PALS2: variants seen among roughly 807,000 people sequenced by gnomAD.
The protein encoded by PALS2 is protein associated with LIN7 2, MAGUK p55 family member.
Under a neutral mutation model 61.6 loss-of-function variants are expected in PALS2, and 27 were observed. The observed-to-expected ratio is 0.44, with a 90% CI of 0.32 to 0.60. The LOEUF is 0.60. Among genes scored for constraint, PALS2 ranks in the 20% least tolerant of loss-of-function variants. PALS2 has a pLI of 0.05. For missense variants in PALS2, 554 were observed against 639.4 expected (o/e 0.87, Z 1.44); for synonymous variants, 236 against 218.6 (o/e 1.08, Z -0.70).
intron 2 of PALS2, among the ~76,000 whole-genome samples, chr7:24,633,012 ACT>A (rs1347991605): frequency 3.3e-5 from 5 of 152,262 alleles, no homozygotes; most frequent in South Asian, 4.1e-4. Flanking sequence ...ATAAAATAAC[ACT>A]GTTTCCTGTC....
chr7:24,666,939 A>C (rs1787047787), intron 8 of PALS2: 1 of 152,188 alleles, frequency 6.6e-6, no homozygotes, highest in Non-Finnish European at 1.5e-5. Context: ...AGGAGTTGGC[A>C]ATTTTAAAAG....
At chr7:24,665,491 A>G in intron 6 of PALS2, 97 bp from the exon 7 acceptor site, 1 of 1,044,832 alleles carries the variant, frequency 9.6e-7, no homozygotes, top group Non-Finnish European at 1.4e-6. Context: ...TTAAGAGCAA[A>G]TGTGACTTTT....
At chr7:24,633,185 T>G (rs934963394) in intron 2 of PALS2, among the ~76,000 whole-genome samples, 5 of 152,122 alleles carry the variant, frequency 3.3e-5, no homozygotes, top group African/African-American at 9.7e-5. Context: ...TCAACCCAAG[T>G]TTTGCACTTA....
chr7:24,597,816 C>G (rs1418459520), intron 1 of PALS2, among the ~76,000 whole-genome samples: 1 of 152,034 alleles, frequency 6.6e-6, no homozygotes, highest in Non-Finnish European at 1.5e-5. Flanking sequence ...CCTTTTTCTT[C>G]TGACAAAGTA....
intron 8 of PALS2, among the ~76,000 whole-genome samples, chr7:24,668,218 G>A (rs1345888123): frequency 2.0e-5 from 3 of 152,000 alleles, no homozygotes; most frequent in African/African-American, 4.8e-5. Flanking sequence ...ATTTACTCGG[G>A]AGGCTTCATT....
At chr7:24,608,113 A>G (rs1373663797) in intron 1 of PALS2, among the ~76,000 whole-genome samples, 3 of 152,122 alleles carry the variant, frequency 2.0e-5, no homozygotes, top group Admixed American at 6.5e-5. Context: ...TTTAAATGTT[A>G]TATGTAAAGG....
chr7:24,582,883 CTTT>C (rs757869072), intron 1 of PALS2, among the ~76,000 whole-genome samples: 6 of 57,474 alleles, frequency 1.0e-4, no homozygotes, highest in Middle Eastern at 0.015. Context: ...GATAGTCATG[CTTT>C]TTTTTTTTTT....
chr7:24,680,409 G>T lies in PALS2; in HGVS notation c.1335G>T (p.Arg445Ser). The T allele has an allele frequency of 6.2e-7, 1 of 1,612,818 alleles. No individual in the cohort carries two copies. The highest frequency in any genetic ancestry group is 8.5e-7 in the Non-Finnish European group (1 of 1,178,910). The stretch of plus-strand genomic sequence containing the variant: ...TTACACAGGCACTGAAAGTATTGAG[G>T]ACATCAGAGTTTATGCCCTATGTGG... ...DVNPQALKVLRTSEFMPYVVF... is the reference protein window; with the variant it reads ...DVNPQALKVLSTSEFMPYVVF... Residue 445 changes from arginine (R) to serine (S), a missense_variant, in exon 11 of 12, where the codon AGG becomes AGT. Coordinates refer to ENST00000222644, the MANE Select transcript of PALS2 (RefSeq NM_001303037.2).
rs1001561340 is a variant in PALS2 at position 24,629,583 on chromosome 7, G to A, written c.117+5799G>A. Among the ~76,000 whole-genome samples, 8 of 151,914 alleles carry A rather than the reference G, an allele frequency of 5.3e-5. No individual in the cohort carries two copies. In the South Asian group the frequency reaches 6.2e-4, roughly 12 times the overall value. ...GGGAGAAAAATTTTGCAAGCTATCC[G>A]TCTGACAAAGGGCTAATATCCAGAC... On this transcript the variant is annotated intron_variant, in intron 2 of 11. Transcript: ENST00000222644.
At chr7:24,629,743 G>A (rs147379265) in intron 2 of PALS2, among the ~76,000 whole-genome samples, 5,942 of 152,270 alleles carry the variant, frequency 0.039, 156 homozygotes, top group Non-Finnish European at 0.058. Flanking sequence ...ATCATCACTG[G>A]TCATTAGAGA....
intron 2 of PALS2, chr7:24,624,132 A>G: frequency 7.7e-7 from 1 of 1,305,224 alleles, no homozygotes; most frequent in South Asian, 1.2e-5. Context: ...CTTCTTTTGC[A>G]TTAGACTGTG....
chr7:24,650,698 A>AT lies in PALS2; in HGVS notation c.639dup (p.Thr214TyrfsTer12). 6.3e-7 allele frequency: 1 copy of AT among 1,580,074 alleles called. No homozygotes were observed. Among genetic ancestry groups the AT allele is most frequent in the Non-Finnish European group, 8.7e-7 (1 of 1,154,558 alleles). ...AATCTTACCAAGTTATAGAGATACCATTACTCCTCAACAGGTTAGTAATAA... is the reference window on the plus strand; with the variant it reads ...AATCTTACCAAGTTATAGAGATACCATTTACTCCTCAACAGGTTAGTAATAA... On this transcript the variant is annotated frameshift_variant, in exon 5 of 12. Coordinates refer to ENST00000222644, the MANE Select transcript of PALS2 (RefSeq NM_001303037.2). LOFTEE classifies it high-confidence loss of function.
intron 2 of PALS2, among the ~76,000 whole-genome samples, chr7:24,630,989 G>T (rs973789478): frequency 1.3e-5 from 2 of 152,198 alleles, no homozygotes; most frequent in African/African-American, 4.8e-5. Context: ...CATTCCTGCA[G>T]ACACAACATC....
At position 24,691,389 on chromosome 7, in the gene PALS2, A is replaced by ATGTATG. The variant is rs1554318904; in HGVS notation, c.*3778_*3779insATGTGT. The ATGTATG allele has an allele frequency of 1.1e-5, 1 of 87,710 alleles. No homozygotes were observed. Among genetic ancestry groups the ATGTATG allele is most frequent in the South Asian group, 5.1e-4 (1 of 1,966 alleles). The allele number at this position is 87,710 out of a possible 1,614,324, so 5.4% of individuals were successfully genotyped here. On this transcript the variant is annotated 3_prime_UTR_variant, in exon 12 of 12. Transcript: ENST00000222644. ...ATGTTCGAGTTGCCATATATTATGT[A>ATGTATG]TGTGTGTGTGTGTGTGTATATATAT...
intron 5 of PALS2, among the ~76,000 whole-genome samples, chr7:24,661,087 G>C (rs1483771057): frequency 6.6e-6 from 1 of 152,114 alleles, no homozygotes; most frequent in Non-Finnish European, 1.5e-5. Context: ...AGTAGGTGGT[G>C]TTTAGTTAAT....
At chr7:24,684,846 C>T (rs1788111848) in intron 11 of PALS2, among the ~76,000 whole-genome samples, 2 of 152,050 alleles carry the variant, frequency 1.3e-5, no homozygotes, top group Non-Finnish European at 1.5e-5. Context: ...AAACTAAGCA[C>T]ATATGTAATT....
At chr7:24,641,117 A>C (rs1785530612) in intron 2 of PALS2, among the ~76,000 whole-genome samples, 2 of 151,286 alleles carry the variant, frequency 1.3e-5, no homozygotes, top group Non-Finnish European at 2.9e-5. Flanking sequence ...AACTTTACTT[A>C]TAAAGACAGA....
intron 1 of PALS2, among the ~76,000 whole-genome samples, chr7:24,586,556 A>G (rs994881677): frequency 6.6e-6 from 1 of 152,216 alleles, no homozygotes; most frequent in Admixed American, 6.5e-5. Context: ...AAAATGATCA[A>G]TGTGGTTAGA....
At chr7:24,630,957 A>G (rs1166223623) in intron 2 of PALS2, among the ~76,000 whole-genome samples, 12 of 152,252 alleles carry the variant, frequency 7.9e-5, no homozygotes, top group Admixed American at 7.2e-4. Context: ...ACAGAAATGT[A>G]CAAAGAGAGG....
Sources: gnomAD v4.1 joint callset for allele counts (sites outside exome capture counted in the v4.1 genomes callset) on GRCh38, gnomAD v4.1.1 for gene constraint, MANE v1.5 for transcripts, NCBI Gene and HGNC (gene_info 2026-07-23, HGNC 2026-07-21) for gene names.